Variants in TSPAN2 observed in about 807,000 individuals in gnomAD.
TSPAN2 encodes the protein tetraspanin-2.
Under a neutral mutation model 33.3 loss-of-function variants are expected in TSPAN2, and 24 were observed. That is an observed-to-expected ratio of 0.72 (90% CI 0.52 to 1.01). TSPAN2 has a LOEUF of 1.01. Ranked by LOEUF, TSPAN2 falls within the 50% of genes least tolerant of loss-of-function variation. The pLI, the probability that TSPAN2 is intolerant of heterozygous loss-of-function variation, is 0.00. For missense variants in TSPAN2, 278 were observed against 281.3 expected (o/e 0.99, Z 0.08); for synonymous variants, 114 against 104.5 (o/e 1.09, Z -0.56).
intron 4 of TSPAN2, 26 bp from the exon 5 acceptor site, chr1:115,059,007 G>A (rs1433144921): frequency 6.4e-7 from 1 of 1,570,416 alleles, no homozygotes; most frequent in Non-Finnish European, 8.8e-7. Context: ...GAAAAATGAA[G>A]GACTTCTGGG....
chr1:115,055,185 C>T (rs1031241495), intron 6 of TSPAN2, among the ~76,000 whole-genome samples: 3 of 152,140 alleles, frequency 2.0e-5, no homozygotes, highest in Non-Finnish European at 2.9e-5. Flanking sequence ...AAACAACACT[C>T]GAGACTGTCC....
At chr1:115,058,327 T>A (rs1647516902) in intron 5 of TSPAN2, 1 of 160,416 alleles carries the variant, frequency 6.2e-6, no homozygotes, top group African/African-American at 2.4e-5. Context: ...TCTGTAAGCC[T>A]TCTGTGATTA....
intron 2 of TSPAN2, among the ~76,000 whole-genome samples, chr1:115,066,680 T>G (rs1465363771): frequency 1.4e-5 from 1 of 71,256 alleles, no homozygotes; most frequent in Non-Finnish European, 2.9e-5. Flanking sequence ...CTAATGACCA[T>G]TTTTTTATTT....
intron 5 of TSPAN2, 62 bp from the exon 6 acceptor site, chr1:115,057,670 C>T: frequency 2.0e-6 from 3 of 1,538,068 alleles, no homozygotes; most frequent in South Asian, 1.1e-5. Flanking sequence ...CAAGTCTGGG[C>T]ACCCTGCTAA....
rs1647545520 is a variant in TSPAN2, at chr1:115,058,901, G to T, written c.426C>A (p.Leu142=). ...TACTCACTGTTGAGTGGAAGGTGAT[G>T]AGTGTCCCATTGCCTTTTCCCCTGT... ...LKDRGKGNGT[L]ITFHSTFQCC... Residue 142 remains leucine (L), a synonymous_variant, in exon 5 of 8, where the codon CTC becomes CTA. Coordinates refer to ENST00000369516, the MANE Select transcript of TSPAN2 (RefSeq NM_005725.6). 4.3e-6 allele frequency: 7 copies of T among 1,613,366 alleles called. No homozygotes were observed. In the East Asian group the frequency reaches 1.6e-4, roughly 36 times the overall value.
intron 3 of TSPAN2, 144 bp downstream of exon 3, chr1:115,061,989 ACC>A (rs1647744348): frequency 1.5e-6 from 1 of 669,972 alleles, no homozygotes; most frequent in Non-Finnish European, 2.6e-6. Context: ...AGATGGAGAA[ACC>A]AAGACTGAGG....
At chr1:115,082,363 G>A (rs1648659042) in intron 1 of TSPAN2, among the ~76,000 whole-genome samples, 1 of 152,194 alleles carries the variant, frequency 6.6e-6, no homozygotes. Flanking sequence ...TAGAGACACA[G>A]CTCTGCCACT....
chr1:115,048,977 G>A lies in TSPAN2; in HGVS notation c.*1513C>T, dbSNP rs1424170185. 4 of 152,040 alleles carry A rather than the reference G, an allele frequency of 2.6e-5. No individual in the cohort carries two copies. Among genetic ancestry groups the A allele is most frequent in the African/African-American group, 7.2e-5 (3 of 41,436 alleles). 9.4% of individuals were successfully genotyped at this position (152,040 alleles called of 1,614,324 possible). A position where few individuals can be genotyped will look rare whatever the true frequency, so the allele number is the denominator to read the frequency against. ...ATCTTTTTAGCAAAATGTTTTGTGA[G>A]TTTTTTGGGAGTGTGACACTTTTAG... On this transcript the variant is annotated 3_prime_UTR_variant, in exon 8 of 8. Transcript: ENST00000369516.
In TSPAN2 at chr1:115,049,766, T is replaced by C. The variant is rs1172504512; in HGVS notation, c.*724A>G. 1 of 152,638 alleles carries C rather than the reference T, an allele frequency of 6.6e-6. No homozygotes were observed. The highest frequency in any genetic ancestry group is 1.5e-5 in the Non-Finnish European group (1 of 68,018). The allele number at this position is 152,638 out of a possible 1,614,324, so 9.5% of individuals were successfully genotyped here. A position where few individuals can be genotyped will look rare whatever the true frequency, so the allele number is the denominator to read the frequency against. The stretch of plus-strand genomic sequence containing the variant: ...AAAGTTGTTAAAAGTTTTTTAGTCC[T>C]ATAAACACTCACTTTTATAGGGCAC... On this transcript the variant is annotated 3_prime_UTR_variant, in exon 8 of 8. Transcript: ENST00000369516.
chr1:115,058,785 G>T, intron 5 of TSPAN2, 98 bp downstream of exon 5: 1 of 1,124,420 alleles, frequency 8.9e-7, no homozygotes, highest in Non-Finnish European at 1.3e-6. Context: ...TGGCTTTACT[G>T]AATTTATTTT....
chr1:115,085,779 G>A (rs909122567), intron 1 of TSPAN2, among the ~76,000 whole-genome samples: 2 of 152,030 alleles, frequency 1.3e-5, no homozygotes, highest in Non-Finnish European at 2.9e-5. Flanking sequence ...TAAGTCATGA[G>A]GTGCCTGTTT....
At chr1:115,057,463 A>G in intron 6 of TSPAN2, 74 bp downstream of exon 6, 1 of 1,429,094 alleles carries the variant, frequency 7.0e-7, no homozygotes. Context: ...CCCATCCGAG[A>G]TTCTACCTTC....
chr1:115,054,987 A>AAAAT (rs771862087), intron 6 of TSPAN2, among the ~76,000 whole-genome samples: 51 of 152,182 alleles, frequency 3.4e-4, no homozygotes, highest in African/African-American at 7.5e-4. Context: ...ACTCTGTCTC[A>AAAAT]AAATAAATAA....
chr1:115,055,610 G>A, intron 6 of TSPAN2, among the ~76,000 whole-genome samples: 1 of 151,698 alleles, frequency 6.6e-6, no homozygotes, highest in East Asian at 1.9e-4. Flanking sequence ...TGCAACCTCT[G>A]CCTCCCAGGT....
intron 1 of TSPAN2, among the ~76,000 whole-genome samples, chr1:115,079,948 C>T (rs1001075618): frequency 1.6e-4 from 25 of 152,162 alleles, no homozygotes; most frequent in African/African-American, 6.0e-4. Context: ...CAGGAGTGTT[C>T]CATTCATCTC....
At chr1:115,086,623 TC>T (rs1445266747) in intron 1 of TSPAN2, among the ~76,000 whole-genome samples, 3 of 152,314 alleles carry the variant, frequency 2.0e-5, no homozygotes, top group Admixed American at 1.3e-4. Flanking sequence ...TGCTCCTACT[TC>T]CTTTCCTTAC....
rs377531409 is a variant in TSPAN2, at chr1:115,057,558, T to G, written c.495A>C (p.Pro165=). 18 of 1,614,058 alleles carry G rather than the reference T, an allele frequency of 1.1e-5. No homozygotes were observed. In the African/African-American group the frequency reaches 1.9e-4, roughly 17 times the overall value. Residue 165 remains proline, a synonymous_variant, in exon 6 of 8, where the codon CCA becomes CCC. Transcript: ENST00000369516. ...ESSEQVQPTC[P]KELLGHKNCI... ...TTACCTTGTGTCCTAGAAGCTCCTT[T>G]GGGCATGTAGGTTGGACCTGTTCGG...
At chr1:115,089,160 A>G (rs1451614738) in intron 1 of TSPAN2, among the ~76,000 whole-genome samples, 1 of 152,024 alleles carries the variant, frequency 6.6e-6, no homozygotes, top group Non-Finnish European at 1.5e-5. Flanking sequence ...ACCATTTCTC[A>G]TTGATCAACC....
chr1:115,061,550 A>G (rs1647720251), intron 3 of TSPAN2, among the ~76,000 whole-genome samples: 1 of 152,208 alleles, frequency 6.6e-6, no homozygotes, highest in African/African-American at 2.4e-5. Flanking sequence ...TTTTTTTTTA[A>G]AGAACAATCA....
Sources: allele counts gnomAD v4.1 joint callset (sites outside exome capture counted in the v4.1 genomes callset), GRCh38; gene constraint gnomAD v4.1.1; transcripts MANE v1.5; gene names NCBI Gene and HGNC (gene_info 2026-07-23, HGNC 2026-07-21).